CECR2: variants seen among roughly 807,000 people sequenced by gnomAD.
The protein encoded by CECR2 is CECR2 histone acetyl-lysine reader.
Under a neutral mutation model 154.5 loss-of-function variants are expected in CECR2, and 30 were observed. That is an observed-to-expected ratio of 0.19 (90% CI 0.15 to 0.26). The LOEUF is 0.26. Ranked by LOEUF, CECR2 falls within the 10% of genes least tolerant of loss-of-function variation. CECR2 has a pLI of 1.00. For synonymous variants in CECR2, 725 were observed against 683.7 expected (o/e 1.06, Z -0.94); for missense variants, 1,743 against 1,829.3 (o/e 0.95, Z 0.86).
intron 5 of CECR2, among the ~76,000 whole-genome samples, chr22:17,502,026 A>G (rs1478466565): frequency 6.6e-6 from 1 of 152,212 alleles, no homozygotes; most frequent in African/African-American, 2.4e-5. Flanking sequence ...AATATAGAAC[A>G]TTTTCATTCT....
At chr22:17,492,925 G>A (rs1267392337) in intron 2 of CECR2, among the ~76,000 whole-genome samples, 4 of 152,094 alleles carry the variant, frequency 2.6e-5, no homozygotes, top group African/African-American at 9.7e-5. Flanking sequence ...GTTTTTAGCA[G>A]CACAGTGCCA....
chr22:17,481,353 A>G (rs1408094145), intron 2 of CECR2, among the ~76,000 whole-genome samples: 1 of 151,706 alleles, frequency 6.6e-6, no homozygotes, highest in Non-Finnish European at 1.5e-5. Flanking sequence ...AAAAAAAAAA[A>G]AAAAAAAAAA....
chr22:17,414,133 T>C (rs372726924), intron 1 of CECR2, among the ~76,000 whole-genome samples: 1,711 of 151,360 alleles, frequency 0.011, 25 homozygotes, highest in South Asian at 0.038. Flanking sequence ...CCACCACGCC[T>C]GGCTAATTTT....
chr22:17,375,601 G>C (rs1437640922), intron 1 of CECR2, among the ~76,000 whole-genome samples: 1 of 152,162 alleles, frequency 6.6e-6, no homozygotes, highest in Non-Finnish European at 1.5e-5. Context: ...GTAGATTGTT[G>C]CTGTTTAAAA....
intron 9 of CECR2, among the ~76,000 whole-genome samples, chr22:17,535,309 C>T (rs2056421495): frequency 6.6e-6 from 1 of 151,258 alleles, no homozygotes; most frequent in African/African-American, 2.4e-5. Context: ...CAGAGTGAGA[C>T]TCCATCTCAA....
chr22:17,370,766 GGCGGCCAGGCATCGGCCAGCCCA>G (rs1246619168), intron 1 of CECR2, among the ~76,000 whole-genome samples: 1 of 152,202 alleles, frequency 6.6e-6, no homozygotes, highest in Non-Finnish European at 1.5e-5. Context: ...CGGCGCACTC[GGCGGCCAGGCATCGGCCAGCCCA>G]GCGGCAGCCC....
At chr22:17,497,670 C>A in intron 3 of CECR2, 84 bp downstream of exon 3, 1 of 1,378,752 alleles carries the variant, frequency 7.3e-7, no homozygotes, top group South Asian at 1.2e-5. Flanking sequence ...CCCAAAGATA[C>A]TAAGCCAGAG....
chr22:17,401,174 GA>G (rs1271431631), intron 1 of CECR2, among the ~76,000 whole-genome samples: 1 of 151,876 alleles, frequency 6.6e-6, no homozygotes, highest in Non-Finnish European at 1.5e-5. Context: ...TTCCAGAGGT[GA>G]GGAGGGACGG....
At chr22:17,500,597 T>G in intron 4 of CECR2, 34 bp from the exon 5 acceptor site, 1 of 1,424,448 alleles carries the variant, frequency 7.0e-7, no homozygotes, top group Non-Finnish European at 9.6e-7. Flanking sequence ...GCCAATCCTG[T>G]GCCAGAACAT....
rs117706649 is a variant in CECR2 at position 17,451,773 on chromosome 22, C to T, written c.127-25815C>T. 8.3e-3 allele frequency among the ~76,000 whole-genome samples: 1,269 copies of T among 152,260 alleles called. 72 individuals carry two copies. In the East Asian group the frequency reaches 0.15, roughly 18 times the overall value. The stretch of plus-strand genomic sequence containing the variant: ...TACCCAAATTATTTGCATTAAAATC[C>T]ATTAGGGATATAGCAGTGAGCCAGA... On this transcript the variant is annotated intron_variant, in intron 1 of 18. Transcript: ENST00000262608.
chr22:17,491,833 A>G (rs2055537771), intron 2 of CECR2, among the ~76,000 whole-genome samples: 1 of 152,162 alleles, frequency 6.6e-6, no homozygotes, highest in African/African-American at 2.4e-5. Context: ...AATCTGTATT[A>G]TGTACATGTT....
chr22:17,382,093 T>C (rs1460088455), intron 1 of CECR2, among the ~76,000 whole-genome samples: 2 of 151,660 alleles, frequency 1.3e-5, no homozygotes, highest in East Asian at 1.9e-4. Context: ...GGTTTCGCCG[T>C]GTTAGCCAGG....
chr22:17,399,169 A>G (rs904571731), intron 1 of CECR2, among the ~76,000 whole-genome samples: 7 of 152,192 alleles, frequency 4.6e-5, no homozygotes, highest in African/African-American at 9.6e-5. Flanking sequence ...GGCCTCATTA[A>G]TGGTATAGTA....
chr22:17,532,037 G>C (rs928297054), intron 9 of CECR2, among the ~76,000 whole-genome samples: 3 of 152,120 alleles, frequency 2.0e-5, no homozygotes, highest in Admixed American at 2.0e-4. Flanking sequence ...AGACATGGTG[G>C]TGCATGCCTG....
Position 17,548,387 on chromosome 22 carries a change from C to T in CECR2, c.3100C>T (p.Pro1034Ser), listed in dbSNP as rs765498466. Residue 1034 changes from proline to serine, a missense_variant, in exon 17 of 19, where the codon CCA becomes TCA. By Grantham distance (74) the Pro-to-Ser change is moderately conservative (BLOSUM62 -1). This residue lies in a region of CECR2 where 1,250 missense variants were observed against 1,192.1 expected (regional missense o/e 1.05). Transcript: ENST00000262608. ...GCCCTCGGATAGCAGCTACCCCGGC[C>T]CAGCCGCCCAAGGGTGCGTGAGAGA... ...PWPSDSSYPG[P>S]AAQGCVRDLS... The T allele has an allele frequency of 2.5e-6, 4 of 1,613,566 alleles. No individual in the cohort carries two copies. In the East Asian group the frequency reaches 6.7e-5, roughly 27 times the overall value.
chr22:17,370,970 C>T (rs2063053721), intron 1 of CECR2, among the ~76,000 whole-genome samples: 3 of 152,104 alleles, frequency 2.0e-5, no homozygotes, highest in Admixed American at 2.0e-4. Flanking sequence ...TTCTGTTCTG[C>T]GGATGGGTTC....
intron 1 of CECR2, among the ~76,000 whole-genome samples, chr22:17,450,587 A>T (rs1476213074): frequency 6.6e-6 from 1 of 152,164 alleles, no homozygotes; most frequent in Admixed American, 6.5e-5. Flanking sequence ...ACAGTATAAA[A>T]CCTATGCAGT....
intron 1 of CECR2, among the ~76,000 whole-genome samples, chr22:17,433,384 C>T (rs2054455971): frequency 6.6e-6 from 1 of 152,142 alleles, no homozygotes; most frequent in East Asian, 1.9e-4. Flanking sequence ...TTGATTTGCT[C>T]AAAGAAGTTA....
chr22:17,497,308 T>C, intron 2 of CECR2, 95 bp from the exon 3 acceptor site: 1 of 1,282,372 alleles, frequency 7.8e-7, no homozygotes, highest in Non-Finnish European at 1.1e-6. Context: ...CAAAAATCTG[T>C]TAGCTGTCAG....
Sources: gnomAD v4.1 joint callset for allele counts (sites outside exome capture counted in the v4.1 genomes callset) on GRCh38, gnomAD v4.1.1 for gene constraint, gnomAD v4.1.1 regional missense constraint, MANE v1.5 for transcripts, NCBI Gene and HGNC (gene_info 2026-07-23, HGNC 2026-07-21) for gene names.